Variants in DYNC2H1 observed in about 807,000 individuals in gnomAD.
The protein encoded by DYNC2H1 is dynein cytoplasmic 2 heavy chain 1, also known as cytoplasmic dynein 2 heavy chain 1.
DYNC2H1 carries 410 observed loss-of-function variants against 570.0 expected under a neutral mutation model. That is an observed-to-expected ratio of 0.72 (90% CI 0.66 to 0.78). The LOEUF (loss-of-function observed/expected upper bound fraction) is 0.78, where lower values mean the gene tolerates loss of function less well. Among genes scored for constraint, DYNC2H1 ranks in the 30% least tolerant of loss-of-function variants. DYNC2H1 has a pLI of 0.00. For missense variants in DYNC2H1, 4,865 were observed against 5,046.4 expected (o/e 0.96, Z 1.09); for synonymous variants, 1,688 against 1,677.6 (o/e 1.01, Z -0.15).
chr11:103,307,951 G>T (rs887528708), intron 78 of DYNC2H1, 120 bp downstream of exon 78: 1 of 448,888 alleles, frequency 2.2e-6, no homozygotes, highest in Non-Finnish European at 3.9e-6. Flanking sequence ...ATTTAGATGA[G>T]GTATACATAG....
At chr11:103,126,972 T>C (rs1024919223) in intron 12 of DYNC2H1, among the ~76,000 whole-genome samples, 11 of 152,278 alleles carry the variant, frequency 7.2e-5, no homozygotes, top group African/African-American at 2.6e-4. Context: ...AACAAGTAGA[T>C]CAATATTTAA....
At chr11:103,146,663 T>C (rs773021955) in intron 18 of DYNC2H1, among the ~76,000 whole-genome samples, 31 of 152,310 alleles carry the variant, frequency 2.0e-4, no homozygotes, top group Admixed American at 3.9e-4. Context: ...AGTGCAGTAG[T>C]GTGATCTCGG....
chr11:103,303,065 T>C, intron 75 of DYNC2H1, 28 bp from the exon 76 acceptor site: 1 of 1,399,574 alleles, frequency 7.1e-7, no homozygotes. Flanking sequence ...ACTGCTTTTA[T>C]TTTTAATTTT....
At chr11:103,208,699 G>C (rs1444894790) in intron 52 of DYNC2H1, among the ~76,000 whole-genome samples, 1 of 152,012 alleles carries the variant, frequency 6.6e-6, no homozygotes, top group East Asian at 1.9e-4. Flanking sequence ...GGATCCATCA[G>C]TTTTGGATAT....
chr11:103,241,082 T>G lies in DYNC2H1; in HGVS notation c.9820-2611T>G, dbSNP rs1864406976. On this transcript the variant is annotated intron_variant, in intron 63 of 88. Transcript: ENST00000375735. The surrounding 1 kb of genome is among the most constrained non-coding windows in gnomAD (Gnocchi z 5.1). ...CTAGCTGATCTCTCTTGTCTTAGTT[T>G]GACTTGAACTGTTTTCTAGCCATAA... Among the ~76,000 whole-genome samples the G allele has an allele frequency of 6.6e-6, 1 of 152,202 alleles. No individual in the cohort carries two copies. The highest frequency in any genetic ancestry group is 1.5e-5 in the Non-Finnish European group (1 of 68,036).
Position 103,125,023 on chromosome 11 carries a change from T to C in DYNC2H1, c.1662-77T>C. On this transcript the variant is annotated intron_variant, in intron 11 of 88. Coordinates refer to ENST00000375735, the MANE Select transcript of DYNC2H1 (RefSeq NM_001377.3). ...AGCTAATATTAGATGTACAGAAAAG[T>C]TGTAAAAACCTATTGTGTTTATTAG... is the stretch of plus-strand genomic sequence containing the variant. 2 of 1,147,272 alleles carry C rather than the reference T, an allele frequency of 1.7e-6. 1 individual carries two copies. Among genetic ancestry groups the C allele is most frequent in the South Asian group, 3.2e-5 (2 of 62,220 alleles). 71.1% of individuals were successfully genotyped at this position (1,147,272 alleles called of 1,614,324 possible). A position where few individuals can be genotyped will look rare whatever the true frequency, so the allele number is the denominator to read the frequency against.
intron 39 of DYNC2H1, among the ~76,000 whole-genome samples, chr11:103,179,743 T>C (rs1033585830): frequency 4.6e-5 from 7 of 151,862 alleles, no homozygotes; most frequent in African/African-American, 1.7e-4. Flanking sequence ...TTTTTTTTCT[T>C]CTTCAGTATA....
chr11:103,143,422 G>T, intron 18 of DYNC2H1, 27 bp downstream of exon 18: 3 of 1,562,988 alleles, frequency 1.9e-6, no homozygotes, highest in South Asian at 2.5e-5. Context: ...TAGTACTTAC[G>T]TACCATAATA....
At position 103,324,019 on chromosome 11, in the gene DYNC2H1, A is replaced by T. The variant is rs1209872680; in HGVS notation, c.12039+29A>T. 1 of 1,560,772 alleles carries T rather than the reference A, an allele frequency of 6.4e-7. No individual in the cohort carries two copies. The highest frequency in any genetic ancestry group is 1.3e-5 in the South Asian group (1 of 79,840). On this transcript the variant is annotated intron_variant, in intron 82 of 88. Coordinates refer to ENST00000375735, the MANE Select transcript of DYNC2H1 (RefSeq NM_001377.3). The surrounding 1 kb of genome is among the most constrained non-coding windows in gnomAD (Gnocchi z 5.2). ...ACCTAAAAAAAAGATCTACCTTCAA[A>T]AAAAGTTGCTAGTGAGCCTGAAGGA...
intron 75 of DYNC2H1, among the ~76,000 whole-genome samples, chr11:103,293,562 C>G (rs969636914): frequency 6.6e-6 from 1 of 151,958 alleles, no homozygotes; most frequent in Non-Finnish European, 1.5e-5. Flanking sequence ...TAGATTTGTC[C>G]TTTTGAAGTT....
rs1865070795 is a variant in DYNC2H1 at position 103,256,701 on chromosome 11, A to G, written c.10461+461A>G. Among the ~76,000 whole-genome samples the G allele has an allele frequency of 6.6e-6, 1 of 152,146 alleles. No individual in the cohort carries two copies. Among genetic ancestry groups the G allele is most frequent in the South Asian group, 2.1e-4 (1 of 4,820 alleles). On this transcript the variant is annotated intron_variant, in intron 68 of 88. Coordinates refer to ENST00000375735, the MANE Select transcript of DYNC2H1 (RefSeq NM_001377.3). This position sits in a 1 kb window ranked among gnomAD's most constrained non-coding sequence, Gnocchi z 4.0. ...GGTACTTTATTATCCTAATGTGGACACCTGTTAGAGTCATCTTCTCTACCT... is the reference window on the plus strand; with the variant it reads ...GGTACTTTATTATCCTAATGTGGACGCCTGTTAGAGTCATCTTCTCTACCT...
chr11:103,154,308 T>C (rs1194907551), intron 22 of DYNC2H1, 143 bp from the exon 23 acceptor site: 3 of 632,730 alleles, frequency 4.7e-6, no homozygotes, highest in South Asian at 3.9e-5. Flanking sequence ...TAGTTTCTTA[T>C]TGTTTCTTAT....
intron 47 of DYNC2H1, among the ~76,000 whole-genome samples, chr11:103,197,142 T>TA (rs921642329): frequency 6.6e-6 from 1 of 152,108 alleles, no homozygotes; most frequent in African/African-American, 2.4e-5. Context: ...GTTTTTTTTT[T>TA]AAACATTAGG....
chr11:103,128,413 G>A (rs1317474427), intron 12 of DYNC2H1, among the ~76,000 whole-genome samples: 2 of 152,190 alleles, frequency 1.3e-5, no homozygotes, highest in Non-Finnish European at 2.9e-5. Context: ...GGGGGTTGGG[G>A]AAAGTGGTTG....
At chr11:103,223,648 A>T (rs1863683915) in intron 59 of DYNC2H1, among the ~76,000 whole-genome samples, 1 of 152,124 alleles carries the variant, frequency 6.6e-6, no homozygotes, top group Non-Finnish European at 1.5e-5. Flanking sequence ...GGCCTCCCAA[A>T]GTGCTGGGAT....
At position 103,446,989 on chromosome 11, in the gene DYNC2H1, A is replaced by G. The variant is rs1407999343; in HGVS notation, c.12457-8197A>G. Among the ~76,000 whole-genome samples, 2 of 152,162 alleles carry G rather than the reference A, an allele frequency of 1.3e-5. No individual in the cohort carries two copies. Among genetic ancestry groups the G allele is most frequent in the East Asian group, 1.9e-4 (1 of 5,188 alleles). On this transcript the variant is annotated intron_variant, in intron 85 of 88. Coordinates refer to ENST00000375735, the MANE Select transcript of DYNC2H1 (RefSeq NM_001377.3). This position sits in a 1 kb window ranked among gnomAD's most constrained non-coding sequence, Gnocchi z 4.5. Reference sequence around the variant, plus strand: ...GTAATTTTTAATAATCTTGTTTCCCATAGTGGTTCAGGTTCTGCATGAACA... The same window carrying G: ...GTAATTTTTAATAATCTTGTTTCCCGTAGTGGTTCAGGTTCTGCATGAACA...
intron 1 of DYNC2H1, among the ~76,000 whole-genome samples, chr11:103,112,381 T>C (rs926331462): frequency 1.1e-4 from 17 of 152,192 alleles, no homozygotes; most frequent in Non-Finnish European, 2.5e-4. Context: ...AAGAGAGAGC[T>C]GTGATCTGGT....
At chr11:103,412,112 T>G (rs1172399536) in intron 84 of DYNC2H1, among the ~76,000 whole-genome samples, 3 of 152,078 alleles carry the variant, frequency 2.0e-5, no homozygotes, top group Non-Finnish European at 4.4e-5. Context: ...AACTGAGAAT[T>G]CAGTACTACC....
intron 70 of DYNC2H1, among the ~76,000 whole-genome samples, chr11:103,267,823 T>A (rs576481220): frequency 6.6e-6 from 1 of 151,954 alleles, no homozygotes; most frequent in Non-Finnish European, 1.5e-5. Context: ...TATATAGATA[T>A]AATTTTTAAA....
Sources: allele counts gnomAD v4.1 joint callset (sites outside exome capture counted in the v4.1 genomes callset), GRCh38; gene constraint gnomAD v4.1.1; non-coding constraint Gnocchi (gnomAD v3.1); transcripts MANE v1.5; gene names NCBI Gene and HGNC (gene_info 2026-07-23, HGNC 2026-07-21).